The following ARHGEF33 variants were observed in gnomAD, a reference collection of about 807,000 sequenced individuals.
The protein encoded by ARHGEF33 is DH and coiled-coil domain-containing protein ENSP00000381780.
A neutral mutation model predicts 101.9 loss-of-function variants in ARHGEF33; 72 were observed. The observed-to-expected ratio is 0.71, with a 90% CI of 0.58 to 0.86. ARHGEF33 has a LOEUF of 0.86. Ranked by LOEUF, ARHGEF33 falls within the 40% of genes least tolerant of loss-of-function variation. The probability of loss-of-function intolerance (pLI) is 0.00; values close to 1 mark genes in which losing one functional copy is unlikely to be tolerated. For synonymous variants in ARHGEF33, 499 were observed against 442.5 expected (o/e 1.13, Z -1.60); for missense variants, 1,169 against 1,111.3 (o/e 1.05, Z -0.74).
intron 9 of ARHGEF33, among the ~76,000 whole-genome samples, chr2:38,938,001 A>C (rs1667193863): frequency 6.6e-6 from 1 of 152,184 alleles, no homozygotes; most frequent in Non-Finnish European, 1.5e-5. Context: ...TGTGTCAGAC[A>C]ATGGCATTTC....
chr2:38,898,243 A>G (rs1666164163), intron 2 of ARHGEF33, among the ~76,000 whole-genome samples: 1 of 152,234 alleles, frequency 6.6e-6, no homozygotes. Context: ...AATGGAATTG[A>G]TTGGAAAGCC....
At chr2:38,964,977 A>G (rs991224373) in intron 16 of ARHGEF33, among the ~76,000 whole-genome samples, 1 of 152,038 alleles carries the variant, frequency 6.6e-6, no homozygotes. Flanking sequence ...CTAGTTATGA[A>G]TCTTAGTAGA....
At chr2:38,932,415 C>T (rs528497052) in intron 7 of ARHGEF33, among the ~76,000 whole-genome samples, 22 of 151,682 alleles carry the variant, frequency 1.5e-4, no homozygotes, top group African/African-American at 4.4e-4. Flanking sequence ...GCGTGAGCCA[C>T]CGTGCCCGGC....
chr2:38,954,840 G>T lies in ARHGEF33; in HGVS notation c.1221+384G>T, dbSNP rs188044904. On this transcript the variant is annotated intron_variant, in intron 13 of 17. Transcript: ENST00000409978. ...GTAGAGATGGGGTTTCACCATGTTGGCCAGGCTGGTCTTGAACTCCTGACC... is the reference window on the plus strand; with the variant it reads ...GTAGAGATGGGGTTTCACCATGTTGTCCAGGCTGGTCTTGAACTCCTGACC... Among the ~76,000 whole-genome samples the T allele has an allele frequency of 7.9e-3, 1,202 of 152,128 alleles. 14 individuals are homozygous for T. The highest frequency in any genetic ancestry group is 0.025 in the African/African-American group (1,054 of 41,478).
intron 2 of ARHGEF33, among the ~76,000 whole-genome samples, chr2:38,914,428 G>A (rs1333343047): frequency 6.6e-6 from 1 of 152,176 alleles, no homozygotes; most frequent in African/African-American, 2.4e-5. Flanking sequence ...AGTACTTTGG[G>A]AGGCTGAGCC....
intron 4 of ARHGEF33, among the ~76,000 whole-genome samples, chr2:38,925,022 A>G (rs914265177): frequency 6.6e-6 from 1 of 152,224 alleles, no homozygotes; most frequent in Non-Finnish European, 1.5e-5. Context: ...AAAAGTAGAC[A>G]TTTAGAAAAA....
At chr2:38,969,981 C>T (rs923628564) in intron 17 of ARHGEF33, among the ~76,000 whole-genome samples, 2 of 152,108 alleles carry the variant, frequency 1.3e-5, no homozygotes, top group Admixed American at 6.5e-5. Flanking sequence ...AATGTTAACG[C>T]GTATTCTTGA....
At chr2:38,969,967 A>C (rs1558448042) in intron 17 of ARHGEF33, among the ~76,000 whole-genome samples, 1 of 152,210 alleles carries the variant, frequency 6.6e-6, no homozygotes, top group Non-Finnish European at 1.5e-5. Context: ...ATCTTGCAAC[A>C]CTTAATGTTA....
At chr2:38,937,913 C>T (rs10203995) in intron 9 of ARHGEF33, among the ~76,000 whole-genome samples, 107,237 of 152,116 alleles carry the variant, frequency 0.7, 43,424 homozygotes, top group Non-Finnish European at 0.9. Flanking sequence ...AAATATCACA[C>T]ACTGCAACAC....
At chr2:38,897,625 A>G (rs1002563585) in intron 2 of ARHGEF33, among the ~76,000 whole-genome samples, 3 of 152,208 alleles carry the variant, frequency 2.0e-5, no homozygotes, top group Admixed American at 6.5e-5. Flanking sequence ...TATAATTTAG[A>G]GGATTTGTGG....
At chr2:38,913,578 C>T (rs1337190286) in intron 2 of ARHGEF33, among the ~76,000 whole-genome samples, 1 of 151,900 alleles carries the variant, frequency 6.6e-6, no homozygotes, top group African/African-American at 2.4e-5. Flanking sequence ...AGTTTGAGAC[C>T]AACCTGGCCA....
At chr2:38,905,359 C>T (rs1666366292) in intron 2 of ARHGEF33, among the ~76,000 whole-genome samples, 1 of 152,100 alleles carries the variant, frequency 6.6e-6, no homozygotes, top group Middle Eastern at 3.2e-3. Flanking sequence ...TTACAGAAGG[C>T]TTTGGGGGCT....
At chr2:38,950,524 T>C (rs1667573062) in intron 10 of ARHGEF33, among the ~76,000 whole-genome samples, 1 of 152,226 alleles carries the variant, frequency 6.6e-6, no homozygotes, top group African/African-American at 2.4e-5. Flanking sequence ...TGATCTGAGC[T>C]CACTGCAACC....
chr2:38,958,680 T>C (rs553934709), intron 15 of ARHGEF33, among the ~76,000 whole-genome samples: 1 of 150,232 alleles, frequency 6.7e-6, no homozygotes, highest in Non-Finnish European at 1.5e-5. Flanking sequence ...CAGAGTAAGA[T>C]ATTGGTTTTA....
intron 2 of ARHGEF33, among the ~76,000 whole-genome samples, chr2:38,900,326 T>A (rs1165668792): frequency 6.6e-6 from 1 of 152,126 alleles, no homozygotes; most frequent in Non-Finnish European, 1.5e-5. Context: ...AGGGGCAAGC[T>A]TCATAGAGAA....
At chr2:38,947,614 G>T (rs914167081) in intron 10 of ARHGEF33, among the ~76,000 whole-genome samples, 6 of 152,160 alleles carry the variant, frequency 3.9e-5, no homozygotes, top group African/African-American at 1.4e-4. Flanking sequence ...TTGCTCTGTT[G>T]CCCAGGCTGT....
At chr2:38,907,546 T>A (rs1444311507) in intron 2 of ARHGEF33, among the ~76,000 whole-genome samples, 1 of 152,186 alleles carries the variant, frequency 6.6e-6, no homozygotes, top group Non-Finnish European at 1.5e-5. Context: ...GCCACCTGGT[T>A]CAGATCTTGG....
intron 17 of ARHGEF33, chr2:38,971,832 T>G (rs924516416): frequency 2.8e-6 from 2 of 718,552 alleles, no homozygotes; most frequent in Non-Finnish European, 5.2e-6. Context: ...TTTATGGACT[T>G]TGAAAACTAG....
At chr2:38,893,127 T>G (rs1167344545) in intron 1 of ARHGEF33, among the ~76,000 whole-genome samples, 1 of 151,208 alleles carries the variant, frequency 6.6e-6, no homozygotes, top group African/African-American at 2.4e-5. Context: ...TAAATCCACC[T>G]AGGCCTTGTG....
Sources: gnomAD v4.1 joint callset for allele counts (sites outside exome capture counted in the v4.1 genomes callset) on GRCh38, gnomAD v4.1.1 for gene constraint, MANE v1.5 for transcripts, NCBI Gene and HGNC (gene_info 2026-07-23, HGNC 2026-07-21) for gene names.